CTIF: variants seen among roughly 807,000 people sequenced by gnomAD.
CTIF encodes the protein cap binding complex dependent translation initiation factor.
CTIF carries 21 observed loss-of-function variants against 66.0 expected under a neutral mutation model. The ratio of observed to expected loss-of-function variants is 0.32; its 90% CI spans 0.23 to 0.46. The LOEUF is 0.46. Ranked by LOEUF, CTIF falls within the 20% of genes least tolerant of loss-of-function variation. The probability of loss-of-function intolerance (pLI) is 1.00; values close to 1 mark genes in which losing one functional copy is unlikely to be tolerated. For missense variants in CTIF, 739 were observed against 812.7 expected (o/e 0.91, Z 1.10); for synonymous variants, 345 against 326.4 (o/e 1.06, Z -0.62).
chr18:48,575,568 GC>G (rs1257525075), intron 1 of CTIF, among the ~76,000 whole-genome samples: 1 of 152,224 alleles, frequency 6.6e-6, no homozygotes, highest in Admixed American at 6.5e-5. Flanking sequence ...TCCAAGCCCT[GC>G]AACCCCCAGC....
At chr18:48,601,836 A>G (rs1359951498) in intron 1 of CTIF, among the ~76,000 whole-genome samples, 1 of 152,246 alleles carries the variant, frequency 6.6e-6, no homozygotes, top group African/African-American at 2.4e-5. Context: ...GGGATGAGAA[A>G]TAAAAGACAT....
At chr18:48,707,940 G>A (rs1045295776) in intron 6 of CTIF, among the ~76,000 whole-genome samples, 1 of 152,150 alleles carries the variant, frequency 6.6e-6, no homozygotes, top group Non-Finnish European at 1.5e-5. Flanking sequence ...GCCTATTATG[G>A]ACGTTTCTTA....
At chr18:48,624,131 A>C (rs2090551159) in intron 2 of CTIF, among the ~76,000 whole-genome samples, 1 of 99,428 alleles carries the variant, frequency 1.0e-5, no homozygotes, top group African/African-American at 4.0e-5. Flanking sequence ...CATGCTTGAC[A>C]CCACGCCCCT....
intron 6 of CTIF, among the ~76,000 whole-genome samples, chr18:48,679,060 A>G (rs1422619451): frequency 9.2e-5 from 14 of 152,236 alleles, no homozygotes; most frequent in Admixed American, 9.2e-4. Flanking sequence ...TTTTACAGAA[A>G]AAGTTTGCCA....
At chr18:48,582,870 T>C (rs1445368145) in intron 1 of CTIF, among the ~76,000 whole-genome samples, 1 of 152,186 alleles carries the variant, frequency 6.6e-6, no homozygotes, top group Non-Finnish European at 1.5e-5. Flanking sequence ...GGGCAGAGCC[T>C]GGACTGAACC....
intron 10 of CTIF, among the ~76,000 whole-genome samples, chr18:48,848,747 C>A (rs533958567): frequency 3.3e-5 from 5 of 152,200 alleles, no homozygotes; most frequent in Non-Finnish European, 7.4e-5. Context: ...CCCAGGGACT[C>A]CAGGAGACTC....
chr18:48,741,366 C>T (rs902536677), intron 7 of CTIF, among the ~76,000 whole-genome samples: 2 of 149,844 alleles, frequency 1.3e-5, no homozygotes, highest in Non-Finnish European at 3.0e-5. Flanking sequence ...ACCCTGTGTC[C>T]TGCCAGCTCT....
At chr18:48,768,989 G>A (rs946504948) in intron 9 of CTIF, among the ~76,000 whole-genome samples, 6 of 152,156 alleles carry the variant, frequency 3.9e-5, no homozygotes, top group African/African-American at 7.2e-5. Context: ...TCCAGGGGTC[G>A]CTGAGTCTCT....
intron 10 of CTIF, among the ~76,000 whole-genome samples, chr18:48,825,573 G>C (rs1271969324): frequency 6.6e-6 from 1 of 152,210 alleles, no homozygotes; most frequent in East Asian, 1.9e-4. Flanking sequence ...GAGAGCCTCT[G>C]CTATTTCACA....
chr18:48,676,130 A>G (rs950938246), intron 6 of CTIF, among the ~76,000 whole-genome samples: 2 of 152,010 alleles, frequency 1.3e-5, no homozygotes, highest in African/African-American at 4.8e-5. Context: ...TCTAACGGGC[A>G]TGTTGTCCCT....
chr18:48,636,997 A>G (rs2090835240), intron 3 of CTIF, among the ~76,000 whole-genome samples: 1 of 152,192 alleles, frequency 6.6e-6, no homozygotes, highest in Admixed American at 6.5e-5. Context: ...CCATCCTTAC[A>G]GTGGAATATT....
rs756032969 is a variant in CTIF at position 48,619,628 on chromosome 18, C to T, written c.63C>T (p.Ile21=). The T allele has an allele frequency of 8.1e-6, 13 of 1,604,886 alleles. No individual in the cohort carries two copies. The highest frequency in any genetic ancestry group is 1.7e-5 in the Admixed American group (1 of 58,986). Residue 21 remains isoleucine, a synonymous_variant, in exon 2 of 12, where the codon ATC becomes ATT. Coordinates refer to ENST00000256413, the MANE Select transcript of CTIF (RefSeq NM_014772.3). ...CAGGGAGCAGCCGCTCCCAGGAGAT[C>T]GAGGAGCTGGAGCGCTTCATCGACA... ...SEAGSSRSQE[I]EELERFIDSY...
At position 48,761,822 on chromosome 18, in the gene CTIF, A is replaced by G. The variant is rs1213490901; in HGVS notation, c.1371+133A>G. The G allele has an allele frequency of 3.3e-6, 3 of 907,902 alleles. No homozygotes were observed. Among genetic ancestry groups the G allele is most frequent in the Non-Finnish European group, 4.9e-6 (3 of 614,792 alleles). The allele number at this position is 907,902 out of a possible 1,614,324, so 56.2% of individuals were successfully genotyped here. On this transcript the variant is annotated intron_variant, in intron 9 of 11. Coordinates refer to ENST00000256413, the MANE Select transcript of CTIF (RefSeq NM_014772.3). This position sits in a 1 kb window ranked among gnomAD's most constrained non-coding sequence, Gnocchi z 4.2. The stretch of plus-strand genomic sequence containing the variant: ...AAGTTCCGCCCTTGCCCGATTAATT[A>G]TAGAAAACACAAAGGCAGTTAAGGG...
At chr18:48,708,907 T>A (rs2092192487) in intron 6 of CTIF, among the ~76,000 whole-genome samples, 1 of 152,080 alleles carries the variant, frequency 6.6e-6, no homozygotes, top group African/African-American at 2.4e-5. Context: ...TGAGGACAGG[T>A]GCCTGTGCTG....
At chr18:48,601,140 G>A (rs898959545) in intron 1 of CTIF, among the ~76,000 whole-genome samples, 1 of 152,176 alleles carries the variant, frequency 6.6e-6, no homozygotes, top group African/African-American at 2.4e-5. Context: ...TGTTAGGCCC[G>A]TTCTTTATCT....
chr18:48,708,335 T>C (rs147751946), intron 6 of CTIF, among the ~76,000 whole-genome samples: 37 of 152,314 alleles, frequency 2.4e-4, no homozygotes, highest in African/African-American at 8.4e-4. Context: ...AGTGTTCTTG[T>C]TTTGGGAGGA....
At chr18:48,541,239 C>G (rs1599111351) in intron 1 of CTIF, among the ~76,000 whole-genome samples, 2 of 152,194 alleles carry the variant, frequency 1.3e-5, no homozygotes. Context: ...GCCCAGGCCG[C>G]CGCCCGCCCG....
At chr18:48,856,449 C>G (rs987442378) in intron 10 of CTIF, among the ~76,000 whole-genome samples, 1 of 152,188 alleles carries the variant, frequency 6.6e-6, no homozygotes, top group Non-Finnish European at 1.5e-5. Flanking sequence ...CAGGAAAAGC[C>G]TGGTACACGA....
At chr18:48,726,882 A>G (rs1429376545) in intron 7 of CTIF, among the ~76,000 whole-genome samples, 1 of 152,110 alleles carries the variant, frequency 6.6e-6, no homozygotes, top group Non-Finnish European at 1.5e-5. Flanking sequence ...AGTGACTCAC[A>G]TGCAAAATAG....
Sources: gnomAD v4.1 joint callset for allele counts (sites outside exome capture counted in the v4.1 genomes callset) on GRCh38, gnomAD v4.1.1 for gene constraint, Gnocchi (gnomAD v3.1) non-coding constraint, MANE v1.5 for transcripts, NCBI Gene and HGNC (gene_info 2026-07-23, HGNC 2026-07-21) for gene names.